LCOR: variants seen among roughly 807,000 people sequenced by gnomAD.
LCOR encodes ligand dependent nuclear receptor corepressor.
A neutral mutation model predicts 64.4 loss-of-function variants in LCOR; 14 were observed. That is an observed-to-expected ratio of 0.22 (90% CI 0.14 to 0.34). The LOEUF (loss-of-function observed/expected upper bound fraction) is 0.34. LCOR is among the 10% of genes least tolerant of loss of function. The probability of loss-of-function intolerance (pLI) is 1.00; values close to 1 mark genes in which losing one functional copy is unlikely to be tolerated. For missense variants in LCOR, 1,686 were observed against 1,765.3 expected (o/e 0.96, Z 0.80); for synonymous variants, 643 against 642.5 (o/e 1.00, Z -0.01).
At chr10:96,912,779 C>T (rs1211189441) in intron 4 of LCOR, among the ~76,000 whole-genome samples, 2 of 151,764 alleles carry the variant, frequency 1.3e-5, no homozygotes, top group Non-Finnish European at 2.9e-5. Flanking sequence ...ATGAACATTG[C>T]CTGAAAAAAA....
At chr10:96,833,321 G>A in intron 1 of LCOR, 85 bp from the exon 2 acceptor site, 1 of 952,368 alleles carries the variant, frequency 1.1e-6, no homozygotes, top group Middle Eastern at 5.4e-4. Context: ...GCCGGAGGGA[G>A]CGCGGACGGG....
chr10:96,909,157 A>G (rs1846785079), intron 4 of LCOR, among the ~76,000 whole-genome samples: 1 of 152,014 alleles, frequency 6.6e-6, no homozygotes, highest in Non-Finnish European at 1.5e-5. Context: ...AAATATTCCT[A>G]CAAGGTTAAA....
chr10:96,935,716 C>T (rs770897983), intron 4 of LCOR, among the ~76,000 whole-genome samples: 7 of 152,212 alleles, frequency 4.6e-5, no homozygotes, highest in South Asian at 2.1e-4. Context: ...CACCCGTAAT[C>T]TCAGCCACTT....
chr10:96,989,690 TATATA>T lies in LCOR; in HGVS notation c.*4557_*4561del, dbSNP rs1291011301. 1.2e-5 allele frequency: 1 copy of T among 81,262 alleles called. No homozygotes were observed. Among genetic ancestry groups the T allele is most frequent in the Admixed American group, 1.1e-4 (1 of 9,016 alleles). The allele number at this position is 81,262 out of a possible 1,614,324, so 5.0% of individuals were successfully genotyped here. On this transcript the variant is annotated 3_prime_UTR_variant, in exon 8 of 8. Coordinates refer to ENST00000421806, the MANE Select transcript of LCOR (RefSeq NM_001346516.2). ...AAGGATAAGGATATATATATATATA[TATATA>T]TTTTTTTTTTTTTTTTTTTTTTTTA... is the stretch of plus-strand genomic sequence containing the variant.
chr10:96,898,040 A>G (rs959739642), intron 2 of LCOR, among the ~76,000 whole-genome samples: 27 of 152,306 alleles, frequency 1.8e-4, no homozygotes, highest in African/African-American at 6.3e-4. Flanking sequence ...GCATTCATCC[A>G]ACAAATATTT....
At position 96,982,285 on chromosome 10, in the gene LCOR, G is replaced by A; in HGVS notation, c.1825G>A (p.Glu609Lys). Residue 609 changes from glutamate (E) to lysine (K), a missense_variant, in exon 8 of 8, where the codon GAG (glutamate) becomes AAG (lysine). This residue lies in a region of LCOR where 1,293 missense variants were observed against 1,410.4 expected (regional missense o/e 0.92). Coordinates refer to ENST00000421806, the MANE Select transcript of LCOR (RefSeq NM_001346516.2). ...GAACCTGAGCAGCTCCCCTAGGTCA[G>A]AGGAAACGACAGCCTCCAGCCTGGT... ...KPNLSSSPRSEETTASSLVWP... is the reference protein window; with the variant it reads ...KPNLSSSPRSKETTASSLVWP... 1 of 1,614,216 alleles carries A rather than the reference G, an allele frequency of 6.2e-7. No individual in the cohort carries two copies. The highest frequency in any genetic ancestry group is 8.5e-7 in the Non-Finnish European group (1 of 1,180,042).
intron 7 of LCOR, chr10:96,957,904 A>G (rs1847811104): frequency 2.0e-6 from 2 of 986,108 alleles, no homozygotes; most frequent in Non-Finnish European, 2.4e-6. Context: ...AACAGAAAAA[A>G]CAGTTTGGGT....
In LCOR at chr10:96,835,370, A is replaced by G. The variant is rs531514830; in HGVS notation, c.-330+1891A>G. Among the ~76,000 whole-genome samples the G allele has an allele frequency of 1.2e-4, 19 of 152,360 alleles. 2 individuals are homozygous for G. In the South Asian group the frequency reaches 3.7e-3, roughly 30 times the overall value. On this transcript the variant is annotated intron_variant, in intron 2 of 7. Coordinates refer to ENST00000421806, the MANE Select transcript of LCOR (RefSeq NM_001346516.2). ...CACTTTAAAGATAGTAAAGTTCAGA[A>G]GATTATAGAGTCCAGAGTGCAGAGC...
Position 96,914,558 on chromosome 10 carries a change from T to G in LCOR, c.-184+6811T>G, listed in dbSNP as rs571966046. On this transcript the variant is annotated intron_variant, in intron 4 of 7. Coordinates refer to ENST00000421806, the MANE Select transcript of LCOR (RefSeq NM_001346516.2). The stretch of plus-strand genomic sequence containing the variant: ...TTCCCAAAGCCAAACTGTATCCATC[T>G]TTATTAAAGATACTTTCGATAAACA... Among the ~76,000 whole-genome samples the G allele has an allele frequency of 1.2e-4, 18 of 152,384 alleles. No individual in the cohort carries two copies. In the South Asian group the frequency reaches 3.7e-3, roughly 32 times the overall value.
intron 4 of LCOR, among the ~76,000 whole-genome samples, chr10:96,938,126 T>G (rs1447215931): frequency 2.0e-5 from 3 of 151,798 alleles, no homozygotes; most frequent in African/African-American, 7.3e-5. Flanking sequence ...GTTAATAATT[T>G]TTTAACTGAT....
At chr10:96,963,143 T>C (rs899165190) in intron 7 of LCOR, 2 of 152,222 alleles carry the variant, frequency 1.3e-5, no homozygotes, top group South Asian at 4.1e-4. Flanking sequence ...CCTCACACTC[T>C]TATAGTGGCA....
At position 96,887,077 on chromosome 10, in the gene LCOR, T is replaced by C. The variant is rs540073976; in HGVS notation, c.-329-20188T>C. ...GGTCAGAATTCTTTTCATGATGATA[T>C]TAAGGTGTCATTTCCCCTTTGCACT... is the stretch of plus-strand genomic sequence containing the variant. On this transcript the variant is annotated intron_variant, in intron 2 of 7. Coordinates refer to ENST00000421806, the MANE Select transcript of LCOR (RefSeq NM_001346516.2). Among the ~76,000 whole-genome samples, 235 of 152,316 alleles carry C rather than the reference T, an allele frequency of 1.5e-3. 1 individual carries two copies. Among genetic ancestry groups the C allele is most frequent in the East Asian group, 5.8e-4 (3 of 5,182 alleles).
At chr10:96,877,645 T>C (rs930738540) in intron 2 of LCOR, among the ~76,000 whole-genome samples, 3 of 123,610 alleles carry the variant, frequency 2.4e-5, no homozygotes, top group Non-Finnish European at 3.2e-5. Context: ...GGAGTCTCGC[T>C]CTGTCACCCA....
intron 4 of LCOR, among the ~76,000 whole-genome samples, chr10:96,924,532 G>T (rs1029889260): frequency 4.6e-5 from 7 of 151,814 alleles, no homozygotes; most frequent in Non-Finnish European, 1.0e-4. Flanking sequence ...GTGAGCTACT[G>T]CGCCCAGCCA....
At chr10:96,978,563 A>G (rs1246269126) in intron 7 of LCOR, among the ~76,000 whole-genome samples, 16 of 152,198 alleles carry the variant, frequency 1.1e-4, no homozygotes, top group Non-Finnish European at 4.4e-5. Flanking sequence ...GTATCATTGG[A>G]AAGTATGAGG....
intron 4 of LCOR, among the ~76,000 whole-genome samples, chr10:96,929,310 T>TA (rs1169546232): frequency 6.6e-6 from 1 of 152,260 alleles, no homozygotes; most frequent in East Asian, 1.9e-4. Flanking sequence ...TCAGTGATCT[T>TA]AGAGTGATCT....
chr10:96,955,946 T>C (rs771169771), intron 7 of LCOR: 2 of 1,593,970 alleles, frequency 1.3e-6, no homozygotes, highest in African/African-American at 2.7e-5. Context: ...TGCCAATTAC[T>C]GTACAAACTG....
At chr10:96,832,539 A>G (rs1192360134) in intron 1 of LCOR, 140 bp downstream of exon 1, 9 of 75,268 alleles carry the variant, frequency 1.2e-4, no homozygotes, top group African/African-American at 1.8e-4. Flanking sequence ...CCCTTCCCCC[A>G]CCCCCCGGAG....
At chr10:96,879,126 T>C (rs1310975522) in intron 2 of LCOR, among the ~76,000 whole-genome samples, 1 of 152,182 alleles carries the variant, frequency 6.6e-6, no homozygotes, top group African/African-American at 2.4e-5. Context: ...AAGATGTGTA[T>C]ATAACACCCA....
Sources: gnomAD v4.1 joint callset for allele counts (sites outside exome capture counted in the v4.1 genomes callset) on GRCh38, gnomAD v4.1.1 for gene constraint, gnomAD v4.1.1 regional missense constraint, MANE v1.5 for transcripts, NCBI Gene and HGNC (gene_info 2026-07-23, HGNC 2026-07-21) for gene names.